The following ALOXE3 variants were observed in gnomAD, a reference collection of about 807,000 sequenced individuals.
ALOXE3 encodes hydroperoxide isomerase ALOXE3.
In ALOXE3, 78 loss-of-function variants were observed where a neutral mutation model predicts 87.5. The ratio of observed to expected loss-of-function variants is 0.89; its 90% CI spans 0.74 to 1.08. The LOEUF (loss-of-function observed/expected upper bound fraction) is 1.08. Ranked by LOEUF, ALOXE3 falls within the 50% of genes least tolerant of loss-of-function variation. The pLI, the probability that ALOXE3 is intolerant of heterozygous loss-of-function variation, is 0.00. For synonymous variants in ALOXE3, 363 were observed against 370.8 expected, an observed-to-expected ratio of 0.98 and a Z score of 0.24; for missense variants, 946 against 912.4, an observed-to-expected ratio of 1.04 and a Z score of -0.47.
chr17:8,114,291 A>G, intron 6 of ALOXE3, among the ~76,000 whole-genome samples, 193 bp downstream of exon 6: 1 of 111,294 alleles, frequency 9.0e-6, no homozygotes, highest in African/African-American at 3.7e-5. Context: ...GGGGGAGACA[A>G]GGGCAGGAAG....
chr17:8,095,958 A>C lies in ALOXE3; in HGVS notation c.*669T>G, dbSNP rs886053580. ...ACTGGGCTCAAGGACAGAAAGAAAA[A>C]AATGGGATGAAAGGGAGTGGGATGA... On this transcript the variant is annotated 3_prime_UTR_variant, in exon 16 of 16. Transcript: ENST00000448843. The C allele has an allele frequency of 6.6e-6, 1 of 152,398 alleles. No homozygotes were observed. The highest frequency in any genetic ancestry group is 1.5e-5 in the Non-Finnish European group (1 of 68,218). 9.4% of individuals were successfully genotyped at this position (152,398 alleles called of 1,614,324 possible).
At chr17:8,113,360 A>G (rs907437813) in intron 6 of ALOXE3, among the ~76,000 whole-genome samples, 1 of 152,258 alleles carries the variant, frequency 6.6e-6, no homozygotes, top group African/African-American at 2.4e-5. Context: ...AATCAAAGGA[A>G]AGGGAATGGA....
At position 8,118,047 on chromosome 17, in the gene ALOXE3, G is replaced by C; in HGVS notation, c.-57C>G. 6.3e-7 allele frequency: 1 copy of C among 1,594,426 alleles called. No individual in the cohort carries two copies. The highest frequency in any genetic ancestry group is 1.7e-4 in the Middle Eastern group (1 of 6,026). On this transcript the variant is annotated 5_prime_UTR_variant, in exon 2 of 16. Transcript: ENST00000448843. ...GCTGGCCGCAGCAGCAGCCGGCCTG[G>C]AGGAGAAGAGCGGCACGCCGGACAG...
At chr17:8,113,686 C>T (rs1980303091) in intron 6 of ALOXE3, among the ~76,000 whole-genome samples, 1 of 151,524 alleles carries the variant, frequency 6.6e-6, no homozygotes, top group African/African-American at 2.4e-5. Flanking sequence ...AGGAATGGAA[C>T]ATGGAACAAG....
At chr17:8,112,961 T>G (rs1386695343) in intron 6 of ALOXE3, among the ~76,000 whole-genome samples, 1 of 152,104 alleles carries the variant, frequency 6.6e-6, no homozygotes, top group Non-Finnish European at 1.5e-5. Context: ...AAGTAGCAGA[T>G]GTGCCCCACC....
In ALOXE3 at chr17:8,115,008, A is replaced by T. The variant is rs139522140; in HGVS notation, c.484T>A (p.Phe162Ile). The change falls in exon 5 of 16, where the codon TTT becomes ATT. Residue 162 changes from phenylalanine (F) to isoleucine (I), a missense_variant. By Grantham distance (21) the Phe-to-Ile change is conservative (BLOSUM62 0). Transcript: ENST00000448843. ...GFPCMVDVNSFQEMESDKKFA... is the reference protein window; with the variant it reads ...GFPCMVDVNSIQEMESDKKFA... ...TTCTTGTCTGACTCCATCTCCTGAAAGCTGTTGACGTCTACCATGCAGGGG... is the reference window on the plus strand; with the variant it reads ...TTCTTGTCTGACTCCATCTCCTGAATGCTGTTGACGTCTACCATGCAGGGG... The T allele has an allele frequency of 6.2e-7, 1 of 1,613,962 alleles. No homozygotes were observed. The highest frequency in any genetic ancestry group is 1.3e-5 in the African/African-American group (1 of 74,884).
intron 15 of ALOXE3, among the ~76,000 whole-genome samples, chr17:8,098,626 T>C (rs1244949177): frequency 1.3e-5 from 2 of 152,188 alleles, no homozygotes. Context: ...ATTTATCAAA[T>C]GCTTTTTCAG....
chr17:8,110,222 T>C lies in ALOXE3; in HGVS notation c.1175A>G (p.Lys392Arg). 6.2e-7 allele frequency: 1 copy of C among 1,614,102 alleles called. No individual in the cohort carries two copies. The highest frequency in any genetic ancestry group is 1.1e-5 in the South Asian group (1 of 91,090). The change falls in exon 10 of 16, where the codon AAG (lysine) becomes AGG (arginine). Residue 392 changes from lysine (K) to arginine (R), a missense_variant. Coordinates refer to ENST00000448843, the MANE Select transcript of ALOXE3 (RefSeq NM_021628.3). ...TDSEWDWLLA[K>R]TWVRNSEFLV... ...GAACTCAGAGTTGCGCACCCACGTC[T>C]TGGCCAGCAGCCAGTCCCATTCGGA...
chr17:8,103,616 G>A lies in ALOXE3; in HGVS notation c.1786-123C>T, dbSNP rs772290205. ...GATAGTTGGGAAATGAGGGGATCAC[G>A]GAAAGGCAAGAGAGCTGGGAAATGA... is the stretch of plus-strand genomic sequence containing the variant. On this transcript the variant is annotated intron_variant, in intron 14 of 15. Transcript: ENST00000448843. 1.3e-4 allele frequency: 143 copies of A among 1,089,036 alleles called. 1 individual carries two copies. Among genetic ancestry groups the A allele is most frequent in the Admixed American group, 4.2e-4 (21 of 50,260 alleles). 67.5% of individuals were successfully genotyped at this position (1,089,036 alleles called of 1,614,324 possible).
At position 8,104,223 on chromosome 17, in the gene ALOXE3, T is replaced by C; in HGVS notation, c.1685-8A>G. 1 of 1,610,208 alleles carries C rather than the reference T, an allele frequency of 6.2e-7. No homozygotes were observed. Among genetic ancestry groups the C allele is most frequent in the South Asian group, 1.1e-5 (1 of 90,986 alleles). On this transcript the variant is annotated splice_region_variant and splice_polypyrimidine_tract_variant and intron_variant, in intron 13 of 15. Coordinates refer to ENST00000448843, the MANE Select transcript of ALOXE3 (RefSeq NM_021628.3). ...ACAGCCGGCTTGGGAAACCTGGGTG[T>C]GGGGAGGAAGGGTAGAGGGTGTGGA...
At chr17:8,112,999 G>A (rs1017018981) in intron 6 of ALOXE3, among the ~76,000 whole-genome samples, 7 of 152,024 alleles carry the variant, frequency 4.6e-5, no homozygotes, top group Non-Finnish European at 8.8e-5. Context: ...TTTATAATAT[G>A]GAGAAGCATG....
rs1269061596 is a variant in ALOXE3, at chr17:8,108,600, G to C, written c.1563-11C>G. ...ATTTCTGAGACAAAGCTGCAGGAAAGAGATGCTGGTACCACTGGAGTAACC... is the reference window on the plus strand; with the variant it reads ...ATTTCTGAGACAAAGCTGCAGGAAACAGATGCTGGTACCACTGGAGTAACC... On this transcript the variant is annotated splice_polypyrimidine_tract_variant and intron_variant, in intron 12 of 15. Transcript: ENST00000448843. 1.2e-6 allele frequency: 2 copies of C among 1,609,350 alleles called. No individual in the cohort carries two copies. The highest frequency in any genetic ancestry group is 1.7e-6 in the Non-Finnish European group (2 of 1,177,148).
intron 6 of ALOXE3, among the ~76,000 whole-genome samples, chr17:8,112,805 A>G (rs1980217848): frequency 6.6e-6 from 1 of 151,816 alleles, no homozygotes; most frequent in South Asian, 2.1e-4. Flanking sequence ...TCTTTTTAAG[A>G]TGGGATCTCC....
In ALOXE3 at chr17:8,118,173, G is replaced by A; in HGVS notation, c.-183C>T. 1 of 1,551,592 alleles carries A rather than the reference G, an allele frequency of 6.4e-7. No homozygotes were observed. Reference sequence around the variant, plus strand: ...TGTTCCTGGGCTTTCTCTCTCCGAAGCTCCCTGCTGGCGGCTCGGGCTTCC... The same window carrying A: ...TGTTCCTGGGCTTTCTCTCTCCGAAACTCCCTGCTGGCGGCTCGGGCTTCC... On this transcript the variant is annotated 5_prime_UTR_variant, in exon 2 of 16. Coordinates refer to ENST00000448843, the MANE Select transcript of ALOXE3 (RefSeq NM_021628.3).
intron 13 of ALOXE3, among the ~76,000 whole-genome samples, chr17:8,108,016 A>G (rs1360024816): frequency 4.0e-5 from 3 of 75,508 alleles, no homozygotes; most frequent in Non-Finnish European, 3.2e-5. Flanking sequence ...AGAAAGAAAG[A>G]AAGAAAGAAA....
Position 8,116,863 on chromosome 17 carries a change from C to G in ALOXE3, c.265G>C (p.Val89Leu), listed in dbSNP as rs1162096011. Residue 89 changes from valine to leucine, a missense_variant, in exon 3 of 16, where the codon GTC becomes CTC. By Grantham distance (32) the Val-to-Leu change is conservative. Transcript: ENST00000448843. ...KDSWYCSRIC[V>L]TEPDGSVSHF... ...GATACACTACCATCCGGTTCGGTGA[C>G]ACAGATGCGGCTACAGTACCAAGAG... 3 of 1,614,138 alleles carry G rather than the reference C, an allele frequency of 1.9e-6. No individual in the cohort carries two copies. The East Asian group carries it at 6.7e-5, about 36-fold the overall frequency.
intron 4 of ALOXE3, 25 bp from the exon 5 acceptor site, chr17:8,115,082 T>C: frequency 1.9e-6 from 3 of 1,613,956 alleles, no homozygotes; most frequent in Non-Finnish European, 2.5e-6. Flanking sequence ...AGGTCAGAGG[T>C]GGCAGGTCAT....
intron 6 of ALOXE3, 71 bp downstream of exon 6, chr17:8,114,413 G>T: frequency 1.9e-6 from 3 of 1,609,110 alleles, no homozygotes; most frequent in Non-Finnish European, 2.6e-6. Flanking sequence ...AGAAGGGGCA[G>T]TCTGGGAGCA....
At chr17:8,114,165 C>G (rs988762252) in intron 6 of ALOXE3, among the ~76,000 whole-genome samples, 1 of 151,968 alleles carries the variant, frequency 6.6e-6, no homozygotes, top group Non-Finnish European at 1.5e-5. Flanking sequence ...TCACTGCACA[C>G]ACACTCGCTG....
Sources: gnomAD v4.1 joint callset for allele counts (sites outside exome capture counted in the v4.1 genomes callset) on GRCh38, gnomAD v4.1.1 for gene constraint, MANE v1.5 for transcripts, NCBI Gene and HGNC (gene_info 2026-07-23, HGNC 2026-07-21) for gene names.